LRRC49: variants seen among roughly 807,000 people sequenced by gnomAD.
LRRC49 encodes leucine rich repeat containing 49, also known as leucine-rich repeat-containing protein 49.
LRRC49 carries 50 observed loss-of-function variants against 83.3 expected under a neutral mutation model. The observed-to-expected ratio is 0.60, with a 90% CI of 0.48 to 0.76. LRRC49 has a LOEUF of 0.76. LRRC49 is among the 30% of genes least tolerant of loss of function. LRRC49 has a pLI of 0.00. For synonymous variants in LRRC49, 286 were observed against 283.3 expected, an observed-to-expected ratio of 1.01 and a Z score of -0.10; for missense variants, 704 against 809.1, an observed-to-expected ratio of 0.87 and a Z score of 1.58.
rs955509177 is a variant in LRRC49 at position 71,009,450 on chromosome 15, T to C, written c.1408-357T>C. 1.9e-5 allele frequency: 3 copies of C among 159,510 alleles called. No individual in the cohort carries two copies. In the Admixed American group the frequency reaches 1.9e-4, roughly 10 times the overall value. The allele number at this position is 159,510 out of a possible 1,614,324, so 9.9% of individuals were successfully genotyped here. On this transcript the variant is annotated intron_variant, in intron 12 of 15. Coordinates refer to ENST00000260382, the MANE Select transcript of LRRC49 (RefSeq NM_017691.5). ...GTTCTGAAATTTTCATTTCCAGTCT[T>C]TTTAAAAAAATTTATTTAATGTCAA...
At chr15:70,998,907 A>G (rs554336678) in intron 11 of LRRC49, among the ~76,000 whole-genome samples, 1 of 152,226 alleles carries the variant, frequency 6.6e-6, no homozygotes, top group African/African-American at 2.4e-5. Flanking sequence ...CTCAGACTAC[A>G]TAATTTAATT....
At chr15:70,866,278 C>T (rs1247081034) in intron 1 of LRRC49, among the ~76,000 whole-genome samples, 2 of 152,040 alleles carry the variant, frequency 1.3e-5, no homozygotes, top group Non-Finnish European at 2.9e-5. Flanking sequence ...TCCTAAGTTG[C>T]TGGGACTACA....
At chr15:70,947,334 T>C (rs2036044768) in intron 8 of LRRC49, among the ~76,000 whole-genome samples, 1 of 152,198 alleles carries the variant, frequency 6.6e-6, no homozygotes, top group Non-Finnish European at 1.5e-5. Context: ...TTTTTCCAAG[T>C]TGGTTGTTGA....
At chr15:70,936,844 G>A (rs2035617358) in intron 8 of LRRC49, 22 bp downstream of exon 8, 1 of 1,519,670 alleles carries the variant, frequency 6.6e-7, no homozygotes. Flanking sequence ...CTCCCAAGTT[G>A]TCATTCATTA....
In LRRC49 at chr15:71,050,290, T is replaced by C. The variant is rs1213340894; in HGVS notation, c.*678T>C. ...GGGATAGGAAGAAAATGTTTTGTCT[T>C]AGGAGATCCTGAATGACTATAAAAT... On this transcript the variant is annotated 3_prime_UTR_variant, in exon 16 of 16. Coordinates refer to ENST00000260382, the MANE Select transcript of LRRC49 (RefSeq NM_017691.5). The C allele has an allele frequency of 6.6e-6, 1 of 152,192 alleles. No homozygotes were observed. The highest frequency in any genetic ancestry group is 1.5e-5 in the Non-Finnish European group (1 of 68,044). The allele number at this position is 152,192 out of a possible 1,614,324, so 9.4% of individuals were successfully genotyped here.
intron 7 of LRRC49, among the ~76,000 whole-genome samples, chr15:70,924,889 G>T (rs1291663103): frequency 6.6e-6 from 1 of 151,854 alleles, no homozygotes; most frequent in Non-Finnish European, 1.5e-5. Context: ...TTGCCTTTGA[G>T]CTTCTGTTAT....
intron 7 of LRRC49, among the ~76,000 whole-genome samples, chr15:70,935,774 G>C (rs1224581161): frequency 6.6e-6 from 1 of 152,144 alleles, no homozygotes; most frequent in Non-Finnish European, 1.5e-5. Flanking sequence ...TTGAGGATCA[G>C]AGCACTGGAA....
intron 11 of LRRC49, among the ~76,000 whole-genome samples, chr15:70,992,138 C>T (rs942447052): frequency 2.6e-5 from 4 of 152,208 alleles, no homozygotes; most frequent in East Asian, 1.9e-4. Context: ...ACATAGTTCC[C>T]GTGCCATGGT....
At chr15:70,892,184 C>T (rs1212694222), upstream of LRRC49, 3 of 1,609,616 alleles carry the variant, frequency 1.9e-6, no homozygotes, top group African/African-American at 4.0e-5. Context: ...CCAGAGCAGC[C>T]GCACGGCCCG....
chr15:70,895,984 A>T, intron 3 of LRRC49, 48 bp downstream of exon 3: 1 of 1,091,918 alleles, frequency 9.2e-7, no homozygotes, highest in Non-Finnish European at 1.4e-6. Context: ...TCTTTGAATA[A>T]TATTAAGTGT....
At chr15:70,906,180 T>G (rs1033350811) in intron 5 of LRRC49, among the ~76,000 whole-genome samples, 1 of 146,110 alleles carries the variant, frequency 6.8e-6, no homozygotes, top group African/African-American at 2.5e-5. Flanking sequence ...CACTGCAACC[T>G]CTGCCTCCCG....
At chr15:70,892,500 C>G, upstream of LRRC49, 1 of 1,526,090 alleles carries the variant, frequency 6.6e-7, no homozygotes, top group Non-Finnish European at 8.8e-7. Context: ...TCCCCAGGAG[C>G]CAGTGGACAC....
chr15:70,869,268 A>G (rs771165915), intron 1 of LRRC49, among the ~76,000 whole-genome samples: 5 of 152,192 alleles, frequency 3.3e-5, no homozygotes, highest in Admixed American at 3.3e-4. Context: ...GTTAACAGTA[A>G]TGATTTCTGG....
chr15:71,021,678 C>T (rs2039000117), intron 14 of LRRC49, among the ~76,000 whole-genome samples: 1 of 152,158 alleles, frequency 6.6e-6, no homozygotes, highest in African/African-American at 2.4e-5. Context: ...GGCGGCTCTG[C>T]TGATCAAACC....
chr15:70,893,040 C>G, intron 1 of LRRC49, 98 bp downstream of exon 1: 1 of 1,346,948 alleles, frequency 7.4e-7, no homozygotes, highest in South Asian at 1.2e-5. Context: ...GGACCGGCAC[C>G]GCTGGGTCTA....
At chr15:70,946,270 A>G (rs891006966) in intron 8 of LRRC49, among the ~76,000 whole-genome samples, 1 of 152,104 alleles carries the variant, frequency 6.6e-6, no homozygotes, top group Non-Finnish European at 1.5e-5. Context: ...AGCCTCTGAT[A>G]ACTACCATTC....
intron 11 of LRRC49, among the ~76,000 whole-genome samples, chr15:70,993,471 C>G (rs1306429428): frequency 6.6e-6 from 1 of 152,222 alleles, no homozygotes; most frequent in Admixed American, 6.5e-5. Flanking sequence ...CTTCTGCACT[C>G]ACGCTGGGAG....
At chr15:70,945,946 A>T (rs1315625013) in intron 8 of LRRC49, among the ~76,000 whole-genome samples, 1 of 152,166 alleles carries the variant, frequency 6.6e-6, no homozygotes, top group South Asian at 2.1e-4. Flanking sequence ...TGTTTTAAAC[A>T]TTTTTTAAAT....
chr15:70,931,460 AC>A (rs1183494892), intron 7 of LRRC49, among the ~76,000 whole-genome samples: 1 of 152,188 alleles, frequency 6.6e-6, no homozygotes, highest in East Asian at 1.9e-4. Flanking sequence ...CAAAAATGTG[AC>A]CTAGAGACGA....
Sources: allele counts gnomAD v4.1 joint callset (sites outside exome capture counted in the v4.1 genomes callset), GRCh38; gene constraint gnomAD v4.1.1; transcripts MANE v1.5; gene names NCBI Gene and HGNC (gene_info 2026-07-23, HGNC 2026-07-21).